The following PPP2R2D variants were observed in gnomAD, a reference collection of about 807,000 sequenced individuals.
PPP2R2D encodes protein phosphatase 2 regulatory subunit Bdelta.
In PPP2R2D, 9 loss-of-function variants were observed where a neutral mutation model predicts 31.1. That is an observed-to-expected ratio of 0.29 (90% confidence interval 0.17 to 0.51). The LOEUF (loss-of-function observed/expected upper bound fraction) is 0.51. Among genes scored for constraint, PPP2R2D ranks in the 20% least tolerant of loss-of-function variants. The pLI is 0.98. For missense variants in PPP2R2D, 391 were observed against 465.6 expected, an observed-to-expected ratio of 0.84 and a Z score of 1.48; for synonymous variants, 179 against 172.6, an observed-to-expected ratio of 1.04 and a Z score of -0.29.
At chr10:131,927,903 C>T (rs886917599) in intron 2 of PPP2R2D, among the ~76,000 whole-genome samples, 3 of 152,168 alleles carry the variant, frequency 2.0e-5, no homozygotes, top group African/African-American at 4.8e-5. Flanking sequence ...TGAACATTCT[C>T]GTAAGTGGTT....
intron 2 of PPP2R2D, among the ~76,000 whole-genome samples, chr10:131,928,172 G>A (rs2036141998): frequency 6.6e-6 from 1 of 152,192 alleles, no homozygotes; most frequent in South Asian, 2.1e-4. Flanking sequence ...GTGGACACCA[G>A]TTCATCTGCC....
intron 2 of PPP2R2D, among the ~76,000 whole-genome samples, chr10:131,930,264 C>G (rs2036196264): frequency 6.6e-6 from 1 of 152,084 alleles, no homozygotes; most frequent in Non-Finnish European, 1.5e-5. Context: ...CTATCAAATA[C>G]CAACACATCA....
intron 2 of PPP2R2D, among the ~76,000 whole-genome samples, chr10:131,932,558 G>T (rs191460530): frequency 8.8e-5 from 13 of 148,254 alleles, no homozygotes; most frequent in Admixed American, 8.3e-4. Context: ...TCCCGGCGAC[G>T]CAGGAGGCTG....
intron 2 of PPP2R2D, among the ~76,000 whole-genome samples, chr10:131,926,567 G>T (rs145021096): frequency 2.0e-5 from 3 of 152,280 alleles, no homozygotes; most frequent in Middle Eastern, 3.4e-3. Context: ...TCAGTTTGTC[G>T]TATCCAGAGT....
At position 131,940,089 on chromosome 10, in the gene PPP2R2D, A is replaced by G; in HGVS notation, c.257A>G (p.His86Arg). Residue 86 changes from histidine (H) to arginine (R), a missense_variant, in exon 4 of 9, where the codon CAT becomes CGT. This residue lies in a region of PPP2R2D where 105 missense variants were observed against 98.5 expected (regional missense o/e 1.07). Coordinates refer to ENST00000455566, the MANE Select transcript of PPP2R2D (RefSeq NM_018461.5). ...EYNVYSTFQS[H>R]EPEFDYLKSL... ...AATGTTTACAGCACCTTTCAAAGTC[A>G]TGAACCGGAGTTTGACTATTTGAAA... 1.3e-6 allele frequency: 1 copy of G among 778,522 alleles called. No individual in the cohort carries two copies. Among genetic ancestry groups the G allele is most frequent in the South Asian group, 1.3e-5 (1 of 74,140 alleles). 48.2% of individuals were successfully genotyped at this position (778,522 alleles called of 1,614,324 possible). A position where few individuals can be genotyped will look rare whatever the true frequency, so the allele number is the denominator to read the frequency against.
At chr10:131,918,965 G>A (rs1362399930) in intron 2 of PPP2R2D, among the ~76,000 whole-genome samples, 7 of 137,912 alleles carry the variant, frequency 5.1e-5, no homozygotes, top group East Asian at 2.5e-4. Context: ...GACCTCAGGC[G>A]GGTGGAATGA....
chr10:131,963,266 C>G (rs559691517), downstream of PPP2R2D, among the ~76,000 whole-genome samples: 28 of 152,180 alleles, frequency 1.8e-4, no homozygotes, highest in Non-Finnish European at 3.8e-4. Context: ...GTTATCCAAA[C>G]CTAAATATCT....
rs568007768 is a variant in PPP2R2D, at chr10:131,945,556, T to G, written c.820+97T>G. 3.2e-5 allele frequency: 43 copies of G among 1,352,590 alleles called. No homozygotes were observed. The highest frequency in any genetic ancestry group is 2.8e-5 in the Non-Finnish European group (28 of 1,000,442). The allele number at this position is 1,352,590 out of a possible 1,614,324, so 83.8% of individuals were successfully genotyped here. On this transcript the variant is annotated intron_variant, in intron 7 of 8. Coordinates refer to ENST00000455566, the MANE Select transcript of PPP2R2D (RefSeq NM_018461.5). This position sits in a 1 kb window ranked among gnomAD's most constrained non-coding sequence, Gnocchi z 4.8. ...CTCACGGCAAGCTCCGCCTCCCGGG[T>G]TCCAGCAAGTCTTCTGCCTCGGCCT...
intron 2 of PPP2R2D, among the ~76,000 whole-genome samples, chr10:131,915,971 A>C (rs1451915124): frequency 6.6e-6 from 1 of 152,222 alleles, no homozygotes; most frequent in African/African-American, 2.4e-5. Context: ...TTCATTAAAG[A>C]ATTCAGTAGT....
rs1241326651 is a variant in PPP2R2D, at chr10:131,901,224, C to T, written c.8-14C>T. ...GGGGCCGCGGCCGGCCTGACCGCCCCGTTGTGTTTGCAGGAGCCGGAGGCG... is the reference window on the plus strand; with the variant it reads ...GGGGCCGCGGCCGGCCTGACCGCCCTGTTGTGTTTGCAGGAGCCGGAGGCG... On this transcript the variant is annotated splice_polypyrimidine_tract_variant and intron_variant, in intron 1 of 8. Transcript: ENST00000455566. 4 of 349,198 alleles carry T rather than the reference C, an allele frequency of 1.1e-5. No homozygotes were observed. The highest frequency in any genetic ancestry group is 4.8e-5 in the Admixed American group (1 of 20,908). The allele number at this position is 349,198 out of a possible 1,614,324, so 21.6% of individuals were successfully genotyped here.
chr10:131,930,628 C>G (rs2036203722), intron 2 of PPP2R2D, among the ~76,000 whole-genome samples: 1 of 152,218 alleles, frequency 6.6e-6, no homozygotes, highest in African/African-American at 2.4e-5. Flanking sequence ...TTCCTGCAAC[C>G]TGTGTGATGC....
At chr10:131,914,050 G>A (rs1299127543) in intron 2 of PPP2R2D, among the ~76,000 whole-genome samples, 1 of 152,204 alleles carries the variant, frequency 6.6e-6, no homozygotes, top group African/African-American at 2.4e-5. Flanking sequence ...CACCATACCT[G>A]CCTGAAAGGG....
chr10:131,929,171 TCCTGTGCTTC>T (rs1326736198), intron 2 of PPP2R2D, among the ~76,000 whole-genome samples: 1 of 152,186 alleles, frequency 6.6e-6, no homozygotes, highest in Non-Finnish European at 1.5e-5. Flanking sequence ...GATTTCTGTC[TCCTGTGCTTC>T]CCGCAGAGTG....
rs1229531944 is a variant in PPP2R2D at position 131,901,020 on chromosome 10, C to CCGG, written c.-105_-103dup. The CCGG allele has an allele frequency of 0.015, 2,367 of 154,092 alleles. 32 individuals carry two copies. Among genetic ancestry groups the CCGG allele is most frequent in the South Asian group, 0.028 (156 of 5,630 alleles). The allele number at this position is 154,092 out of a possible 1,614,324, so 9.5% of individuals were successfully genotyped here. On this transcript the variant is annotated 5_prime_UTR_variant, in exon 1 of 9. Coordinates refer to ENST00000455566, the MANE Select transcript of PPP2R2D (RefSeq NM_018461.5). The stretch of plus-strand genomic sequence containing the variant: ...TTTGAAAAGGGAAAAAAATCCCTCC[C>CCGG]CGGCGGCGGCGGCGGCGGCGGCGGC...
chr10:131,921,248 A>G (rs781929890), intron 2 of PPP2R2D, among the ~76,000 whole-genome samples: 1 of 152,168 alleles, frequency 6.6e-6, no homozygotes, highest in Non-Finnish European at 1.5e-5. Flanking sequence ...CACGGGGGAG[A>G]GGCCAGAGAG....
chr10:131,947,539 A>T lies in PPP2R2D; in HGVS notation c.830A>T (p.Glu277Val). Residue 277 changes from glutamate (E) to valine (V), a missense_variant, in exon 8 of 9, where the codon GAG becomes GTG. Glu to Val is a moderately radical substitution (Grantham distance 121). Around this residue, in one of 3 missense-constraint regions of PPP2R2D, gnomAD observed 123 missense variants for 187.7 expected, o/e 0.66. Transcript: ENST00000455566. The surrounding 1 kb of genome is among the most constrained non-coding windows in gnomAD (Gnocchi z 4.3). ...LCDRHSKFFE[E>V]PEDPSSRSFF... ...TTATTTTGTTTTTCAGTTTTTGAAGAGCCTGAAGATCCCAGCAGTAGGTCC... is the reference window on the plus strand; with the variant it reads ...TTATTTTGTTTTTCAGTTTTTGAAGTGCCTGAAGATCCCAGCAGTAGGTCC... The T allele has an allele frequency of 1.2e-6, 2 of 1,612,518 alleles. No individual in the cohort carries two copies. Among genetic ancestry groups the T allele is most frequent in the Non-Finnish European group, 1.7e-6 (2 of 1,179,012 alleles).
At chr10:131,969,573 C>G in the PPP2R2D span, 3 of 152,320 alleles carry the variant, frequency 2.0e-5, no homozygotes, top group Non-Finnish European at 4.4e-5. Flanking sequence ...GGGCAGCGCT[C>G]AGGTCCCGGC....
chr10:131,904,701 C>T (rs1450578306), intron 2 of PPP2R2D, among the ~76,000 whole-genome samples: 1 of 152,302 alleles, frequency 6.6e-6, no homozygotes, highest in East Asian at 1.9e-4. Flanking sequence ...CTCTGGCCGT[C>T]TTTCTGCCCT....
Position 131,901,047 on chromosome 10 carries a change from C to CGGCGGCGG in PPP2R2D, c.-102_-101insGGCGGCGG. 1 of 147,720 alleles carries CGGCGGCGG rather than the reference C, an allele frequency of 6.8e-6. No homozygotes were observed. Among genetic ancestry groups the CGGCGGCGG allele is most frequent in the East Asian group, 2.9e-4 (1 of 3,478 alleles). The allele number at this position is 147,720 out of a possible 1,614,324, so 9.2% of individuals were successfully genotyped here. A position where few individuals can be genotyped will look rare whatever the true frequency, so the allele number is the denominator to read the frequency against. On this transcript the variant is annotated 5_prime_UTR_variant, in exon 1 of 9. Transcript: ENST00000455566. ...GGCGGCGGCGGCGGCGGCGGCGGCG[C>CGGCGGCGG]CGGCGGTGGTGGCGGCCCCGGGGCT...
Sources: allele counts gnomAD v4.1 joint callset (sites outside exome capture counted in the v4.1 genomes callset), GRCh38; gene constraint gnomAD v4.1.1; regional missense constraint gnomAD v4.1.1; non-coding constraint Gnocchi (gnomAD v3.1); transcripts MANE v1.5; gene names NCBI Gene and HGNC (gene_info 2026-07-23, HGNC 2026-07-21).